KMT5B: variants seen among roughly 807,000 people sequenced by gnomAD.
KMT5B encodes lysine methyltransferase 5B, also known as histone-lysine N-methyltransferase KMT5B.
Under a neutral mutation model 83.2 loss-of-function variants are expected in KMT5B, and 10 were observed. The observed-to-expected ratio is 0.12, with a 90% CI of 0.07 to 0.20. The LOEUF is 0.20. Among genes scored for constraint, KMT5B ranks in the 10% least tolerant of loss-of-function variants. The pLI, the probability that KMT5B is intolerant of heterozygous loss-of-function variation, is 1.00. For synonymous variants in KMT5B, 349 were observed against 388.8 expected (o/e 0.90, Z 1.20); for missense variants, 753 against 1,067.2 (o/e 0.71, Z 4.10).
intron 3 of KMT5B, among the ~76,000 whole-genome samples, chr11:68,182,270 G>C (rs1044776046): frequency 6.6e-6 from 1 of 152,214 alleles, no homozygotes; most frequent in Middle Eastern, 3.2e-3. Flanking sequence ...CAATGAAACT[G>C]AGAGGCCAGA....
intron 10 of KMT5B, chr11:68,165,847 G>T: frequency 6.2e-7 from 1 of 1,612,644 alleles, no homozygotes; most frequent in Non-Finnish European, 8.5e-7. Context: ...ATGCTACACG[G>T]GTTATGCTTG....
At chr11:68,164,655 G>C (rs1382068654) in intron 10 of KMT5B, 2 of 514,334 alleles carry the variant, frequency 3.9e-6, no homozygotes, top group Non-Finnish European at 7.8e-6. Flanking sequence ...TAGTCATACT[G>C]ATCCTTGGAT....
chr11:68,211,595 G>C (rs1260373892), intron 1 of KMT5B, among the ~76,000 whole-genome samples: 1 of 152,188 alleles, frequency 6.6e-6, no homozygotes, highest in Non-Finnish European at 1.5e-5. Flanking sequence ...CTCTGTACCT[G>C]CCCGTGGGCG....
chr11:68,195,974 T>C (rs960144474), intron 1 of KMT5B, among the ~76,000 whole-genome samples: 2 of 152,086 alleles, frequency 1.3e-5, no homozygotes, highest in Non-Finnish European at 2.9e-5. Flanking sequence ...CTCGCCAACA[T>C]GGTGAAACCC....
chr11:68,198,643 GCTAATTAGCCACTGA>G (rs570852921), intron 1 of KMT5B, among the ~76,000 whole-genome samples: 3 of 152,326 alleles, frequency 2.0e-5, no homozygotes, highest in Admixed American at 2.0e-4. Flanking sequence ...CACACTCTGA[GCTAATTAGCCACTGA>G]CTACATTTAG....
intron 1 of KMT5B, among the ~76,000 whole-genome samples, chr11:68,198,382 TGAAAA>T (rs1858974409): frequency 6.8e-6 from 1 of 147,200 alleles, no homozygotes; most frequent in African/African-American, 2.5e-5. Context: ...AGCAAGACTG[TGAAAA>T]GAAAAGAAGA....
At chr11:68,199,009 G>A (rs758927036) in intron 1 of KMT5B, among the ~76,000 whole-genome samples, 10 of 152,190 alleles carry the variant, frequency 6.6e-5, no homozygotes, top group African/African-American at 2.2e-4. Context: ...GATTACAGGC[G>A]TGAGCCACCA....
chr11:68,199,767 T>G (rs1001515530), intron 1 of KMT5B, among the ~76,000 whole-genome samples: 6 of 152,204 alleles, frequency 3.9e-5, no homozygotes, highest in Non-Finnish European at 7.3e-5. Flanking sequence ...GGAGAACTAG[T>G]GGCTGCAGCA....
intron 2 of KMT5B, among the ~76,000 whole-genome samples, chr11:68,186,625 G>A (rs1857462055): frequency 6.6e-6 from 1 of 152,202 alleles, no homozygotes; most frequent in South Asian, 2.1e-4. Context: ...TTTAACTGTG[G>A]AAGAAAAGCA....
chr11:68,179,417 GATT>G (rs770615765), intron 4 of KMT5B: 6 of 1,273,770 alleles, frequency 4.7e-6, no homozygotes, highest in Admixed American at 2.3e-5. Context: ...ATTTACAATT[GATT>G]ATTATTAAAG....
chr11:68,207,050 G>A (rs1860208817), intron 1 of KMT5B, among the ~76,000 whole-genome samples: 1 of 151,950 alleles, frequency 6.6e-6, no homozygotes, highest in South Asian at 2.1e-4. Flanking sequence ...AGACCATCCT[G>A]GCTAACACGG....
chr11:68,193,968 G>C (rs1858396673), intron 1 of KMT5B, among the ~76,000 whole-genome samples: 1 of 151,682 alleles, frequency 6.6e-6, no homozygotes, highest in African/African-American at 2.4e-5. Context: ...CTCAGTAAGA[G>C]CAGTGTACTT....
intron 2 of KMT5B, 77 bp downstream of exon 2, chr11:68,189,840 G>A: frequency 7.2e-7 from 1 of 1,387,090 alleles, no homozygotes; most frequent in Non-Finnish European, 9.7e-7. Context: ...AAAGAAAACA[G>A]AATACACATT....
intron 9 of KMT5B, among the ~76,000 whole-genome samples, chr11:68,168,788 T>C (rs1014907052): frequency 1.6e-4 from 24 of 152,180 alleles, no homozygotes; most frequent in Middle Eastern, 3.2e-3. Flanking sequence ...TTCCGTCCAT[T>C]CTCACTTCTT....
intron 1 of KMT5B, among the ~76,000 whole-genome samples, chr11:68,197,501 CCAAA>C (rs1436672580): frequency 1.2e-4 from 19 of 152,208 alleles, no homozygotes; most frequent in African/African-American, 4.6e-4. Context: ...ATAATATCAA[CCAAA>C]CATTTTTCTG....
At chr11:68,169,828 T>G (rs1855673866) in intron 9 of KMT5B, among the ~76,000 whole-genome samples, 1 of 152,254 alleles carries the variant, frequency 6.6e-6, no homozygotes, top group East Asian at 1.9e-4. Flanking sequence ...AAGGGTATTC[T>G]CTGGACTGGT....
At chr11:68,181,583 C>T (rs1456966349) in intron 3 of KMT5B, among the ~76,000 whole-genome samples, 1 of 152,042 alleles carries the variant, frequency 6.6e-6, no homozygotes, top group African/African-American at 2.4e-5. Flanking sequence ...CTTTTGCACC[C>T]CAAAGAGAGA....
chr11:68,179,576 T>G (rs1270617734), intron 4 of KMT5B: 5 of 1,303,448 alleles, frequency 3.8e-6, no homozygotes, highest in Non-Finnish European at 5.1e-6. Context: ...GTATTAGCTG[T>G]GCTACTGTGC....
chr11:68,167,217 C>T, intron 9 of KMT5B, 39 bp from the exon 10 acceptor site: 2 of 1,558,744 alleles, frequency 1.3e-6, no homozygotes, highest in East Asian at 2.4e-5. Context: ...AAATAGAACA[C>T]ACTTTCTTAT....
Sources: allele counts gnomAD v4.1 joint callset (sites outside exome capture counted in the v4.1 genomes callset), GRCh38; gene constraint gnomAD v4.1.1; transcripts MANE v1.5; gene names NCBI Gene and HGNC (gene_info 2026-07-23, HGNC 2026-07-21).